The following PRKCA variants were observed in gnomAD, a reference collection of about 807,000 sequenced individuals.
The protein encoded by PRKCA is protein kinase C alpha type.
Under a neutral mutation model 87.0 loss-of-function variants are expected in PRKCA, and 27 were observed. The observed-to-expected ratio is 0.31, with a 90% CI of 0.23 to 0.43. The LOEUF is 0.43. Ranked by LOEUF, PRKCA falls within the 20% of genes least tolerant of loss-of-function variation. The pLI is 1.00. For synonymous variants in PRKCA, 329 were observed against 311.1 expected, an observed-to-expected ratio of 1.06 and a Z score of -0.61; for missense variants, 518 against 852.3, an observed-to-expected ratio of 0.61 and a Z score of 4.88.
chr17:66,537,827 A>T (rs1408417931), intron 3 of PRKCA, among the ~76,000 whole-genome samples: 1 of 151,944 alleles, frequency 6.6e-6, no homozygotes, highest in Non-Finnish European at 1.5e-5. Flanking sequence ...TATTTGGGAG[A>T]TGGAGTCTTG....
At chr17:66,396,631 C>CTTTTTTTTTTTT (rs10626483) in intron 2 of PRKCA, among the ~76,000 whole-genome samples, 1 of 137,248 alleles carries the variant, frequency 7.3e-6, no homozygotes, top group Non-Finnish European at 1.5e-5. Flanking sequence ...CATTCTCTCT[C>CTTTTTTTTTTTT]TTTTTTTTTT....
chr17:66,717,318 C>T (rs1228229541), intron 8 of PRKCA, among the ~76,000 whole-genome samples: 2 of 152,110 alleles, frequency 1.3e-5, no homozygotes, highest in African/African-American at 2.4e-5. Context: ...TGGAGAGTTA[C>T]AACAGAGACA....
At chr17:66,709,301 C>CT (rs552633887) in intron 8 of PRKCA, among the ~76,000 whole-genome samples, 3,387 of 84,898 alleles carry the variant, frequency 0.04, 404 homozygotes, top group East Asian at 0.094. Context: ...GAGATGATTT[C>CT]TTTTTTTTTT....
chr17:66,533,160 T>C (rs1216601883), intron 3 of PRKCA, among the ~76,000 whole-genome samples: 1 of 152,228 alleles, frequency 6.6e-6, no homozygotes, highest in Non-Finnish European at 1.5e-5. Context: ...CACCAAGTGA[T>C]ACTTAAAGGG....
intron 3 of PRKCA, among the ~76,000 whole-genome samples, chr17:66,581,485 T>C (rs1969429937): frequency 2.0e-5 from 3 of 152,262 alleles, no homozygotes; most frequent in African/African-American, 7.2e-5. Context: ...TTTTTTGTTT[T>C]TTGTTTTTGA....
rs1910998191 is a variant in PRKCA at position 66,401,122 on chromosome 17, A to C, written c.205+94995A>C. Among the ~76,000 whole-genome samples the C allele has an allele frequency of 5.3e-5, 8 of 152,188 alleles. No homozygotes were observed. In the South Asian group the frequency reaches 1.5e-3, roughly 28 times the overall value. On this transcript the variant is annotated intron_variant, in intron 2 of 16. Coordinates refer to ENST00000413366, the MANE Select transcript of PRKCA (RefSeq NM_002737.3). Reference sequence around the variant, plus strand: ...TAACCAGAACACAGTTCCCGCCCTCAAGGGACTGATGAGAAGTAGCCACGT... The same window carrying C: ...TAACCAGAACACAGTTCCCGCCCTCCAGGGACTGATGAGAAGTAGCCACGT...
At chr17:66,561,889 C>G (rs946181633) in intron 3 of PRKCA, among the ~76,000 whole-genome samples, 3 of 151,378 alleles carry the variant, frequency 2.0e-5, no homozygotes, top group South Asian at 2.1e-4. Flanking sequence ...CTGCTAGAGG[C>G]TACAGGGAAG....
At chr17:66,404,641 A>G (rs1404011302) in intron 2 of PRKCA, among the ~76,000 whole-genome samples, 2 of 151,648 alleles carry the variant, frequency 1.3e-5, no homozygotes, top group African/African-American at 2.4e-5. Flanking sequence ...CAAGGCTGCA[A>G]GGCAAGCACC....
At chr17:66,572,179 A>T (rs1431731902) in intron 3 of PRKCA, among the ~76,000 whole-genome samples, 2 of 152,250 alleles carry the variant, frequency 1.3e-5, no homozygotes, top group Non-Finnish European at 2.9e-5. Context: ...GCTATAAAGA[A>T]TATCAGGCTG....
intron 2 of PRKCA, among the ~76,000 whole-genome samples, chr17:66,483,634 T>C (rs954651460): frequency 1.3e-4 from 20 of 151,978 alleles, no homozygotes; most frequent in Admixed American, 3.9e-4. Flanking sequence ...AGCTAATTTT[T>C]GTATTTTTAG....
chr17:66,516,886 G>C (rs1966985886), intron 3 of PRKCA, among the ~76,000 whole-genome samples: 1 of 152,206 alleles, frequency 6.6e-6, no homozygotes, highest in South Asian at 2.1e-4. Context: ...AAGCAGCAGT[G>C]ATGGTTCCCC....
At chr17:66,313,255 G>T (rs1398997178) in intron 2 of PRKCA, among the ~76,000 whole-genome samples, 1 of 152,188 alleles carries the variant, frequency 6.6e-6, no homozygotes, top group Non-Finnish European at 1.5e-5. Flanking sequence ...AGATCACAGT[G>T]ACTTCTGCCT....
intron 2 of PRKCA, among the ~76,000 whole-genome samples, chr17:66,364,875 A>T (rs113265875): frequency 1.3e-5 from 2 of 152,196 alleles, no homozygotes; most frequent in African/African-American, 4.8e-5. Context: ...TTTTTCTTCT[A>T]CGTGAGTGGC....
At chr17:66,538,180 T>C (rs1430389341) in intron 3 of PRKCA, among the ~76,000 whole-genome samples, 1 of 152,230 alleles carries the variant, frequency 6.6e-6, no homozygotes, top group African/African-American at 2.4e-5. Flanking sequence ...CTTCTGGAGA[T>C]GTGTCACAGG....
chr17:66,367,259 C>G lies in PRKCA; in HGVS notation c.205+61132C>G, dbSNP rs1048673482. Among the ~76,000 whole-genome samples, 14 of 152,336 alleles carry G rather than the reference C, an allele frequency of 9.2e-5. No individual in the cohort carries two copies. The East Asian group carries it at 2.5e-3, about 27-fold the overall frequency. ...AGGAATTACAAAGAAACCCACTGTT[C>G]AGCACAAGTGCGCAGGCCTTTGGCC... On this transcript the variant is annotated intron_variant, in intron 2 of 16. Coordinates refer to ENST00000413366, the MANE Select transcript of PRKCA (RefSeq NM_002737.3).
chr17:66,766,371 G>A (rs1210748972), intron 13 of PRKCA, among the ~76,000 whole-genome samples: 1 of 104,176 alleles, frequency 9.6e-6, no homozygotes, highest in Non-Finnish European at 1.9e-5. Flanking sequence ...GCCTGTTGAT[G>A]GCTTTCCAAT....
intron 3 of PRKCA, among the ~76,000 whole-genome samples, chr17:66,520,034 T>A (rs1400722195): frequency 6.6e-6 from 1 of 151,914 alleles, no homozygotes; most frequent in South Asian, 2.1e-4. Flanking sequence ...TGGTTTGTTT[T>A]GTTTGTTTGT....
chr17:66,437,720 C>CTTTTTTT (rs567333890), intron 2 of PRKCA, among the ~76,000 whole-genome samples: 2,583 of 32,830 alleles, frequency 0.079, 794 homozygotes, highest in African/African-American at 0.16. Context: ...TTCAAGTTTC[C>CTTTTTTT]TTTTTTTTTT....
Position 66,804,089 on chromosome 17 carries a change from G to A in PRKCA, c.*52G>A, listed in dbSNP as rs770959087. The A allele has an allele frequency of 1.3e-6, 2 of 1,569,012 alleles. No homozygotes were observed. Among genetic ancestry groups the A allele is most frequent in the South Asian group, 1.2e-5 (1 of 86,660 alleles). On this transcript the variant is annotated 3_prime_UTR_variant, in exon 17 of 17. Coordinates refer to ENST00000413366, the MANE Select transcript of PRKCA (RefSeq NM_002737.3). ...CCCAGCCCCCAGCCCTCCCCGCAGT[G>A]GGAAGTGAATCCTTAACCCTAAAAT...
Sources: gnomAD v4.1 joint callset for allele counts (sites outside exome capture counted in the v4.1 genomes callset) on GRCh38, gnomAD v4.1.1 for gene constraint, MANE v1.5 for transcripts, NCBI Gene and HGNC (gene_info 2026-07-23, HGNC 2026-07-21) for gene names.